TTC6: variants seen among roughly 807,000 people sequenced by gnomAD.
The protein encoded by TTC6 is tetratricopeptide repeat domain 6, also known as tetratricopeptide repeat protein 6.
In TTC6, 172 loss-of-function variants were observed where a neutral mutation model predicts 210.4. The ratio of observed to expected loss-of-function variants is 0.82; its 90% CI spans 0.72 to 0.93. The LOEUF is 0.93. Among genes scored for constraint, TTC6 ranks in the 40% least tolerant of loss-of-function variants. The probability of loss-of-function intolerance (pLI) is 0.00; values close to 1 mark genes in which losing one functional copy is unlikely to be tolerated. For synonymous variants in TTC6, 804 were observed against 819.6 expected (o/e 0.98, Z 0.32); for missense variants, 2,414 against 2,318.1 (o/e 1.04, Z -0.85).
In TTC6 at chr14:37,680,311, G is replaced by A. The variant is rs1446322847; in HGVS notation, c.1050+50G>A. On this transcript the variant is annotated intron_variant, in intron 2 of 30. Coordinates refer to ENST00000553443, the Ensembl canonical transcript of TTC6. ...CTTGCCTCTGTTAAAGTAACAGCAT[G>A]CTTCCTGTTGCTTGAATGTTTATAT... The A allele has an allele frequency of 2.6e-6, 3 of 1,150,298 alleles. No individual in the cohort carries two copies. In the African/African-American group the frequency reaches 4.7e-5, roughly 18 times the overall value. 71.3% of individuals were successfully genotyped at this position (1,150,298 alleles called of 1,614,324 possible). A position where few individuals can be genotyped will look rare whatever the true frequency, so the allele number is the denominator to read the frequency against.
At chr14:37,622,838 C>A (rs1348860946) in exon 1 of TTC6, 41 of 1,533,964 alleles carry the variant, frequency 2.7e-5, no homozygotes, top group Non-Finnish European at 1.5e-5. Context: ...CGCCCAGCGA[C>A]GCGCGGGAGG....
chr14:37,687,344 C>T (rs994774542), intron 3 of TTC6, among the ~76,000 whole-genome samples: 1 of 152,088 alleles, frequency 6.6e-6, no homozygotes, highest in Non-Finnish European at 1.5e-5. Flanking sequence ...TTCTTAAAAG[C>T]CTTGCCACCA....
chr14:37,753,381 G>T, intron 14 of TTC6, 146 bp downstream of exon 16: 1 of 684,712 alleles, frequency 1.5e-6, no homozygotes, highest in Non-Finnish European at 2.3e-6. Flanking sequence ...AAAAATCCTT[G>T]CTTACACCCT....
chr14:37,619,815 C>G (rs2095648474), upstream of TTC6, among the ~76,000 whole-genome samples: 1 of 151,382 alleles, frequency 6.6e-6, no homozygotes. Context: ...GCTAATCCAG[C>G]CTGTTTATTA....
chr14:37,804,579 G>T, intron 20 of TTC6, 101 bp from the exon 23 acceptor site: 1 of 1,415,230 alleles, frequency 7.1e-7, no homozygotes, highest in South Asian at 1.4e-5. Flanking sequence ...TAAGAGTAGA[G>T]GTGTGTGCTC....
chr14:37,815,455 A>G (rs527539019), intron 25 of TTC6, among the ~76,000 whole-genome samples: 2 of 152,290 alleles, frequency 1.3e-5, no homozygotes, highest in East Asian at 3.9e-4. Context: ...ACAGTTCACA[A>G]TAGGGTTTGC....
intron 1 of TTC6, among the ~76,000 whole-genome samples, chr14:37,629,132 G>C (rs1454437577): frequency 6.6e-6 from 1 of 151,998 alleles, no homozygotes; most frequent in Admixed American, 6.6e-5. Flanking sequence ...GTTTTTTCTA[G>C]TTCTTTGAAG....
chr14:37,839,071 G>C (rs1484142246), intron 29 of TTC6, among the ~76,000 whole-genome samples: 1 of 151,602 alleles, frequency 6.6e-6, no homozygotes, highest in East Asian at 1.9e-4. Flanking sequence ...GATTTGGGTT[G>C]GTCTTTGCTA....
At chr14:37,611,776 G>A (rs1273249801) in intron 2 of TTC6, among the ~76,000 whole-genome samples, 5 of 152,162 alleles carry the variant, frequency 3.3e-5, no homozygotes, top group Admixed American at 2.6e-4. Context: ...AGGGCAGCTT[G>A]TTTTGAGTAA....
chr14:37,796,126 T>C (rs1388175021), intron 18 of TTC6, among the ~76,000 whole-genome samples, 168 bp from the exon 21 acceptor site: 1 of 152,072 alleles, frequency 6.6e-6, no homozygotes, highest in Non-Finnish European at 1.5e-5. Flanking sequence ...ACTATGCTAA[T>C]TGATATATTT....
intron 29 of TTC6, among the ~76,000 whole-genome samples, chr14:37,829,031 T>C (rs1021238786): frequency 2.6e-5 from 4 of 152,050 alleles, no homozygotes; most frequent in Non-Finnish European, 5.9e-5. Context: ...TTTCCTCCTT[T>C]GTTTCTTTTA....
At chr14:37,752,105 G>A (rs1312682182) in intron 13 of TTC6, among the ~76,000 whole-genome samples, 4 of 152,026 alleles carry the variant, frequency 2.6e-5, no homozygotes, top group African/African-American at 7.2e-5. Context: ...GGTTACAGGC[G>A]TGAGCCACCG....
rs181749103 is a variant in TTC6, at chr14:37,749,116, C to T, written c.2541C>T (p.Leu847=). 1.3e-4 allele frequency: 198 copies of T among 1,535,652 alleles called. 3 individuals carry two copies. Among genetic ancestry groups the T allele is most frequent in the Non-Finnish European group, 1.6e-4 (181 of 1,146,638 alleles). ...CTCGGACATGGGCTCTTGATAGGCT[C>T]ATTGAGTACAAAGATGCGAGCATAC... The change falls in exon 11 of 31, where the codon CTC becomes CTT. Residue 847 remains leucine (L), a synonymous_variant. Coordinates refer to ENST00000553443, the Ensembl canonical transcript of TTC6.
At chr14:37,761,675 T>C (rs1039428881) in intron 14 of TTC6, among the ~76,000 whole-genome samples, 11 of 152,170 alleles carry the variant, frequency 7.2e-5, no homozygotes, top group Non-Finnish European at 1.6e-4. Context: ...TATAGTTGCC[T>C]CAAATAAGTA....
chr14:37,685,521 T>A (rs948633566), intron 3 of TTC6, among the ~76,000 whole-genome samples: 1 of 152,180 alleles, frequency 6.6e-6, no homozygotes, highest in African/African-American at 2.4e-5. Flanking sequence ...TGACAAGAGA[T>A]GACAGCTGCC....
intron 1 of TTC6, among the ~76,000 whole-genome samples, chr14:37,675,525 G>A (rs139202211): frequency 6.7e-4 from 102 of 152,148 alleles, no homozygotes; most frequent in Admixed American, 1.5e-3. Flanking sequence ...GAATAGTGCT[G>A]CTATAGCATC....
intron 1 of TTC6, among the ~76,000 whole-genome samples, chr14:37,666,473 A>G (rs2095748364): frequency 1.4e-5 from 2 of 148,072 alleles, no homozygotes; most frequent in African/African-American, 2.4e-5. Context: ...GATGAAAGCC[A>G]TGGATGTAAA....
chr14:37,701,445 G>A (rs1421148966), exon 5 of TTC6: 1 of 1,531,946 alleles, frequency 6.5e-7, no homozygotes, highest in Admixed American at 2.0e-5. Flanking sequence ...ACTGCTAACA[G>A]GAAAGGCCAC....
At chr14:37,675,085 T>A (rs963895381) in intron 1 of TTC6, among the ~76,000 whole-genome samples, 1 of 152,078 alleles carries the variant, frequency 6.6e-6, no homozygotes, top group Non-Finnish European at 1.5e-5. Context: ...TGAATTCATA[T>A]AATGTAAAAT....
Sources: gnomAD v4.1 joint callset for allele counts (sites outside exome capture counted in the v4.1 genomes callset) on GRCh38, gnomAD v4.1.1 for gene constraint, MANE v1.5 for transcripts, NCBI Gene and HGNC (gene_info 2026-07-23, HGNC 2026-07-21) for gene names.